Variants in EXOC7 observed in about 807,000 individuals in gnomAD.
EXOC7 encodes exocyst complex component Exo70.
A neutral mutation model predicts 87.6 loss-of-function variants in EXOC7; 51 were observed. The observed-to-expected ratio is 0.58, with a 90% CI of 0.46 to 0.73. EXOC7 has a LOEUF of 0.73. Ranked by LOEUF, EXOC7 falls within the 30% of genes least tolerant of loss-of-function variation. The probability of loss-of-function intolerance (pLI) is 0.00; values close to 1 mark genes in which losing one functional copy is unlikely to be tolerated. For missense variants in EXOC7, 744 were observed against 888.4 expected, an observed-to-expected ratio of 0.84 and a Z score of 2.07; for synonymous variants, 327 against 357.1, an observed-to-expected ratio of 0.92 and a Z score of 0.95.
chr17:76,083,712 T>G lies in EXOC7; in HGVS notation c.1991A>C (p.Tyr664Ser), dbSNP rs1312857107. The G allele has an allele frequency of 6.2e-7, 1 of 1,613,654 alleles. No homozygotes were observed. The highest frequency in any genetic ancestry group is 1.7e-5 in the Admixed American group (1 of 60,028). Residue 664 changes from tyrosine (Y) to serine (S), a missense_variant, in exon 19 of 19, where the codon TAC becomes TCC. Physicochemically the swap from Tyr to Ser is moderately radical, Grantham distance 144. Around this residue, in one of 3 missense-constraint regions of EXOC7, gnomAD observed 228 missense variants for 298.6 expected, o/e 0.76. Coordinates refer to ENST00000589210, the MANE Select transcript of EXOC7 (RefSeq NM_001013839.4). ...CACCTGCTCCACCCCGTACTTGATG[T>G]ACTTCTCCGGGTTCTTGGTGAAGGG... ...SVPFTKNPEKYIKYGVEQVGD... is the reference protein window; with the variant it reads ...SVPFTKNPEKSIKYGVEQVGD...
At chr17:76,092,825 G>C (rs2067562657) in intron 6 of EXOC7, 1 of 152,208 alleles carries the variant, frequency 6.6e-6, no homozygotes, top group African/African-American at 2.4e-5. Flanking sequence ...TGAGGTCGGT[G>C]CTTCACCACC....
intron 4 of EXOC7, among the ~76,000 whole-genome samples, chr17:76,099,866 G>T (rs935074402): frequency 1.3e-5 from 2 of 152,136 alleles, no homozygotes; most frequent in African/African-American, 2.4e-5. Context: ...ACTTTGAGAG[G>T]CCAAGGTGGG....
chr17:76,102,144 T>G (rs1259336707), intron 2 of EXOC7, among the ~76,000 whole-genome samples: 2 of 152,182 alleles, frequency 1.3e-5, no homozygotes, highest in Admixed American at 6.5e-5. Flanking sequence ...TGGCTTCCCT[T>G]CCACCCTTTG....
chr17:76,101,747 C>G lies in EXOC7; in HGVS notation c.243G>C (p.Leu81=). The G allele has an allele frequency of 1.9e-6, 3 of 1,614,152 alleles. No individual in the cohort carries two copies. Among genetic ancestry groups the G allele is most frequent in the Non-Finnish European group, 2.5e-6 (3 of 1,180,032 alleles). ...AGCTGATGACATGGTCCAGGCAGGA[C>G]AGCGTCTTCTCAACATTCTCCTGCA... ...QRLQENVEKT[L]SCLDHVISYY... is the part of the protein sequence containing the mutation. The change falls in exon 3 of 19, where the codon CTG becomes CTC. Residue 81 remains leucine (L), a synonymous_variant. Transcript: ENST00000589210.
Position 76,081,985 on chromosome 17 carries a change from C to A in EXOC7, c.*1663G>T. On this transcript the variant is annotated 3_prime_UTR_variant, in exon 19 of 19. Coordinates refer to ENST00000589210, the MANE Select transcript of EXOC7 (RefSeq NM_001013839.4). ...GGGGCAACCTTGGGGCCAAGAGCGG[C>A]CCCAGCCCAGCCCCGAGAGGGGAAC... The A allele has an allele frequency of 1.2e-6, 2 of 1,612,268 alleles. No homozygotes were observed. The highest frequency in any genetic ancestry group is 1.3e-5 in the African/African-American group (1 of 75,016).
intron 3 of EXOC7, 66 bp from the exon 4 acceptor site, chr17:76,101,442 T>C (rs2068056655): frequency 1.3e-6 from 2 of 1,575,282 alleles, no homozygotes; most frequent in African/African-American, 1.4e-5. Context: ...GGACACAGTA[T>C]TTGGGAAAAA....
chr17:76,082,701 A>G lies in EXOC7; in HGVS notation c.*947T>C, dbSNP rs754353407. ...ACCTTAGGATGAAGTTTGCTTTCCC[A>G]TGGCTGGGGGCGGGCCATGACAGGG... On this transcript the variant is annotated 3_prime_UTR_variant, in exon 19 of 19. Transcript: ENST00000589210. 1.3e-6 allele frequency: 2 copies of G among 1,536,756 alleles called. No individual in the cohort carries two copies. Among genetic ancestry groups the G allele is most frequent in the Admixed American group, 4.0e-5 (2 of 49,524 alleles).
At chr17:76,098,759 G>A (rs551500486) in intron 4 of EXOC7, among the ~76,000 whole-genome samples, 30 of 151,584 alleles carry the variant, frequency 2.0e-4, no homozygotes, top group African/African-American at 6.8e-4. Context: ...CCAGCTACTC[G>A]GGAGGCTGAG....
rs371601457 is a variant in EXOC7, at chr17:76,081,424, C to T, written c.*2224G>A. ...GACGGTGAGTCAAGTCGGGAGGAGG[C>T]CGACAGAGGGCTGCTGGAGGCGGGT... On this transcript the variant is annotated 3_prime_UTR_variant, in exon 19 of 19. Transcript: ENST00000589210. 2.0e-4 allele frequency: 325 copies of T among 1,613,494 alleles called. No individual in the cohort carries two copies. The highest frequency in any genetic ancestry group is 2.7e-4 in the Admixed American group (16 of 59,998).
Position 76,088,109 on chromosome 17 carries a change from T to C in EXOC7, c.1313A>G (p.Lys438Arg). The change falls in exon 11 of 19, where the codon AAG becomes AGG. Residue 438 changes from lysine (K) to arginine (R), a missense_variant. By Grantham distance (26) the Lys-to-Arg change is conservative. Coordinates refer to ENST00000589210, the MANE Select transcript of EXOC7 (RefSeq NM_001013839.4). ...GCCGTCCTTCGGCATGTTGTACTCCTTGTCCGGGTCATTCTGTGGAAAAAC... is the reference window on the plus strand; with the variant it reads ...GCCGTCCTTCGGCATGTTGTACTCCCTGTCCGGGTCATTCTGTGGAAAAAC... ...FADNIKNDPD[K>R]EYNMPKDGTV... 6.2e-7 allele frequency: 1 copy of C among 1,613,994 alleles called. No individual in the cohort carries two copies. The highest frequency in any genetic ancestry group is 8.5e-7 in the Non-Finnish European group (1 of 1,179,978).
chr17:76,102,791 C>G (rs1369023353), intron 2 of EXOC7, among the ~76,000 whole-genome samples: 2 of 152,178 alleles, frequency 1.3e-5, no homozygotes, highest in African/African-American at 4.8e-5. Flanking sequence ...GATGCAGTCG[C>G]ATGCATTAGC....
At chr17:76,095,606 A>C (rs959459446) in intron 5 of EXOC7, among the ~76,000 whole-genome samples, 1 of 152,248 alleles carries the variant, frequency 6.6e-6, no homozygotes. Flanking sequence ...TAAATTAAAA[A>C]AATTAGAGGA....
At chr17:76,092,276 C>T (rs1168106375) in intron 6 of EXOC7, 1 of 151,338 alleles carries the variant, frequency 6.6e-6, no homozygotes, top group East Asian at 1.9e-4. Flanking sequence ...CACCGCACAA[C>T]ACCACAATTA....
chr17:76,088,205 C>T (rs1423720751), intron 10 of EXOC7, 83 bp from the exon 11 acceptor site: 2 of 1,425,696 alleles, frequency 1.4e-6, no homozygotes, highest in Non-Finnish European at 2.0e-6. Flanking sequence ...GTGCCGCCTC[C>T]TGGCAGACGG....
intron 7 of EXOC7, 95 bp downstream of exon 7, chr17:76,091,048 T>C: frequency 9.2e-7 from 1 of 1,087,788 alleles, no homozygotes; most frequent in Non-Finnish European, 1.4e-6. Context: ...CCTCAGGGTT[T>C]CTCCCGAGGC....
In EXOC7 at chr17:76,085,812, A is replaced by G; in HGVS notation, c.1496-15T>C. On this transcript the variant is annotated splice_polypyrimidine_tract_variant and intron_variant, in intron 13 of 18. Transcript: ENST00000589210. ...CAGCACTTTACCTGCACAGGGAAAA[A>G]TGGGGCCACACCCACCATGGCAGTC... 1.3e-6 allele frequency: 2 copies of G among 1,591,596 alleles called. No individual in the cohort carries two copies. Among genetic ancestry groups the G allele is most frequent in the East Asian group, 2.3e-5 (1 of 43,104 alleles).
chr17:76,082,002 G>GAGGGGAACAGCGAGAGC lies in EXOC7; in HGVS notation c.*1629_*1645dup, dbSNP rs751438415. 9.9e-6 allele frequency: 16 copies of GAGGGGAACAGCGAGAGC among 1,611,692 alleles called. No individual in the cohort carries two copies. The highest frequency in any genetic ancestry group is 1.7e-4 in the Middle Eastern group (1 of 6,050). On this transcript the variant is annotated 3_prime_UTR_variant, in exon 19 of 19. Transcript: ENST00000589210. ...AAGAGCGGCCCCAGCCCAGCCCCGA[G>GAGGGGAACAGCGAGAGC]AGGGGAACAGCGAGAGCACGGCAAC...
At chr17:76,086,204 T>TC in intron 12 of EXOC7, 59 bp from the exon 13 acceptor site, 2 of 1,528,084 alleles carry the variant, frequency 1.3e-6, no homozygotes, top group Non-Finnish European at 1.8e-6. Flanking sequence ...CAACGGCCCT[T>TC]CCCCCAGGCC....
Position 76,103,348 on chromosome 17 carries a change from CG to C in EXOC7, c.126+12del. 6.3e-7 allele frequency: 1 copy of C among 1,585,476 alleles called. No homozygotes were observed. The highest frequency in any genetic ancestry group is 8.6e-7 in the Non-Finnish European group (1 of 1,164,370). ...GGAGGCCTGCCCTCTCCCCCAGCTG[CG>C]GGGAGACTCACCATGTTCTTAGTGA... On this transcript the variant is annotated intron_variant, in intron 2 of 18. Transcript: ENST00000589210.
Sources: allele counts gnomAD v4.1 joint callset (sites outside exome capture counted in the v4.1 genomes callset), GRCh38; gene constraint gnomAD v4.1.1; regional missense constraint gnomAD v4.1.1; transcripts MANE v1.5; gene names NCBI Gene and HGNC (gene_info 2026-07-23, HGNC 2026-07-21).